MARCHF1: variants seen among roughly 807,000 people sequenced by gnomAD.
The protein encoded by MARCHF1 is E3 ubiquitin-protein ligase MARCHF1.
MARCHF1 carries 40 observed loss-of-function variants against 54.2 expected under a neutral mutation model. The ratio of observed to expected loss-of-function variants is 0.74; its 90% CI spans 0.57 to 0.96. The LOEUF (loss-of-function observed/expected upper bound fraction) is 0.96, where lower values mean the gene tolerates loss of function less well. Among genes scored for constraint, MARCHF1 ranks in the 40% least tolerant of loss-of-function variants. MARCHF1 has a pLI of 0.00. For synonymous variants in MARCHF1, 236 were observed against 236.3 expected (o/e 1.00, Z 0.01); for missense variants, 586 against 656.5 (o/e 0.89, Z 1.17).
chr4:163,974,973 C>A (rs1304815469), intron 3 of MARCHF1, among the ~76,000 whole-genome samples: 1 of 152,120 alleles, frequency 6.6e-6, no homozygotes, highest in East Asian at 1.9e-4. Context: ...ATTCCTCCTG[C>A]CTGACTACTT....
At chr4:163,804,600 T>C (rs1748174698) in intron 4 of MARCHF1, among the ~76,000 whole-genome samples, 1 of 152,148 alleles carries the variant, frequency 6.6e-6, no homozygotes, top group South Asian at 2.1e-4. Context: ...TAAATCAATG[T>C]TTGTCACCTC....
chr4:163,898,771 T>C (rs1229458490), intron 3 of MARCHF1, among the ~76,000 whole-genome samples: 2 of 152,098 alleles, frequency 1.3e-5, no homozygotes, highest in African/African-American at 2.4e-5. Flanking sequence ...AATACCAAAG[T>C]CATGGAACTA....
At chr4:164,113,976 T>G (rs1755888167) in intron 1 of MARCHF1, among the ~76,000 whole-genome samples, 1 of 151,832 alleles carries the variant, frequency 6.6e-6, no homozygotes, top group African/African-American at 2.4e-5. Context: ...AAACTTCCAG[T>G]AGAGGGGATA....
At chr4:163,740,020 C>T (rs1222574484) in intron 4 of MARCHF1, among the ~76,000 whole-genome samples, 1 of 152,064 alleles carries the variant, frequency 6.6e-6, no homozygotes, top group African/African-American at 2.4e-5. Flanking sequence ...CATTTACTTA[C>T]CAATATGTAA....
intron 1 of MARCHF1, among the ~76,000 whole-genome samples, chr4:164,196,548 T>C (rs907904095): frequency 6.6e-6 from 1 of 152,216 alleles, no homozygotes; most frequent in African/African-American, 2.4e-5. Flanking sequence ...AACATTTTCA[T>C]TGTAAATATT....
At chr4:164,238,129 A>G (rs999738890) in intron 1 of MARCHF1, among the ~76,000 whole-genome samples, 1 of 152,076 alleles carries the variant, frequency 6.6e-6, no homozygotes. Context: ...TAAATTATGT[A>G]AACACTGGTA....
In MARCHF1 at chr4:164,174,962, T is replaced by A. The variant is rs1247132354; in HGVS notation, c.-322-63300A>T. Among the ~76,000 whole-genome samples, 3 of 152,184 alleles carry A rather than the reference T, an allele frequency of 2.0e-5. No individual in the cohort carries two copies. In the East Asian group the frequency reaches 5.8e-4, roughly 29 times the overall value. ...AGATATCTTGGGTTCATCCAGATGG[T>A]GTATGTAAGGACAAAAACTGTAAAG... On this transcript the variant is annotated intron_variant, in intron 1 of 9. Coordinates refer to ENST00000514618, the MANE Select transcript of MARCHF1 (RefSeq NM_001394959.1).
chr4:163,524,997 T>C lies in MARCHF1; in HGVS notation c.*3751A>G, dbSNP rs1738047220. On this transcript the variant is annotated 3_prime_UTR_variant, in exon 10 of 10. Coordinates refer to ENST00000514618, the MANE Select transcript of MARCHF1 (RefSeq NM_001394959.1). ...AAATAACAGTACTTCCTTTCAACTG[T>C]GTTGATATGTAAAATAGCACCATTG... 1 of 152,166 alleles carries C rather than the reference T, an allele frequency of 6.6e-6. No individual in the cohort carries two copies. The highest frequency in any genetic ancestry group is 2.4e-5 in the African/African-American group (1 of 41,434). The allele number at this position is 152,166 out of a possible 1,614,324, so 9.4% of individuals were successfully genotyped here. A position where few individuals can be genotyped will look rare whatever the true frequency, so the allele number is the denominator to read the frequency against.
intron 1 of MARCHF1, among the ~76,000 whole-genome samples, chr4:164,307,084 G>C (rs1305138792): frequency 6.6e-6 from 1 of 151,954 alleles, no homozygotes; most frequent in South Asian, 2.1e-4. Flanking sequence ...TTGAACAAAA[G>C]ATCTAAGATT....
chr4:163,891,624 A>G (rs1300965758), intron 3 of MARCHF1, among the ~76,000 whole-genome samples: 2 of 152,240 alleles, frequency 1.3e-5, no homozygotes, highest in Admixed American at 6.5e-5. Context: ...ATGCATTCCC[A>G]TCATAGACTT....
In MARCHF1 at chr4:163,949,085, G is replaced by A. The variant is rs2110775273; in HGVS notation, c.-39+39416C>T. On this transcript the variant is annotated intron_variant, in intron 3 of 9. Coordinates refer to ENST00000514618, the MANE Select transcript of MARCHF1 (RefSeq NM_001394959.1). ...CTCATTCTGCCCACTTGGCCTGGCA[G>A]TCTGCACTCAACTCTCACTACCGGC... Among the ~76,000 whole-genome samples, 2 of 152,328 alleles carry A rather than the reference G, an allele frequency of 1.3e-5. 1 individual carries two copies. The highest frequency in any genetic ancestry group is 4.1e-4 in the South Asian group (2 of 4,830).
At chr4:164,326,889 C>T (rs1228695774) in intron 1 of MARCHF1, among the ~76,000 whole-genome samples, 6 of 149,724 alleles carry the variant, frequency 4.0e-5, no homozygotes, top group Non-Finnish European at 7.4e-5. Flanking sequence ...CTTCATTATG[C>T]CTCACTTTTC....
intron 2 of MARCHF1, chr4:164,055,319 C>G (rs1579496284): frequency 1.3e-5 from 2 of 152,076 alleles, no homozygotes; most frequent in East Asian, 3.9e-4. Flanking sequence ...TGGCACACGT[C>G]TATGATCCCA....
At chr4:163,594,779 C>T (rs1740708049) in intron 7 of MARCHF1, among the ~76,000 whole-genome samples, 1 of 151,814 alleles carries the variant, frequency 6.6e-6, no homozygotes, top group Non-Finnish European at 1.5e-5. Flanking sequence ...CACACACACA[C>T]ACACACACCC....
chr4:163,967,890 G>C (rs1426944900), intron 3 of MARCHF1, among the ~76,000 whole-genome samples: 2 of 152,066 alleles, frequency 1.3e-5, no homozygotes, highest in Non-Finnish European at 2.9e-5. Context: ...TCTTTTTGCT[G>C]TATTTAGACC....
intron 4 of MARCHF1, among the ~76,000 whole-genome samples, chr4:163,791,553 A>T (rs1747774271): frequency 6.6e-6 from 1 of 152,162 alleles, no homozygotes. Flanking sequence ...CTTCTGATTG[A>T]CAAGCGTGGA....
intron 1 of MARCHF1, among the ~76,000 whole-genome samples, chr4:164,275,501 A>G (rs1038526176): frequency 1.3e-5 from 2 of 152,234 alleles, no homozygotes; most frequent in African/African-American, 4.8e-5. Context: ...TTACTAATTA[A>G]TGATGATTGT....
chr4:163,776,412 T>C (rs1221843164), intron 4 of MARCHF1, among the ~76,000 whole-genome samples: 1 of 151,492 alleles, frequency 6.6e-6, no homozygotes, highest in African/African-American at 2.4e-5. Context: ...ATCATTTAAT[T>C]TGTTGTTGTT....
At position 163,946,203 on chromosome 4, in the gene MARCHF1, G is replaced by A. The variant is rs998690897; in HGVS notation, c.-39+42298C>T. ...AAAATCTCCACCATTTCCTCTCAACGTCGCAAATATATTTTCTACTATGTG... is the reference window on the plus strand; with the variant it reads ...AAAATCTCCACCATTTCCTCTCAACATCGCAAATATATTTTCTACTATGTG... On this transcript the variant is annotated intron_variant, in intron 3 of 9. Transcript: ENST00000514618. Among the ~76,000 whole-genome samples, 17 of 152,018 alleles carry A rather than the reference G, an allele frequency of 1.1e-4. No homozygotes were observed. In the East Asian group the frequency reaches 1.9e-3, roughly 17 times the overall value.
Sources: allele counts gnomAD v4.1 joint callset (sites outside exome capture counted in the v4.1 genomes callset), GRCh38; gene constraint gnomAD v4.1.1; transcripts MANE v1.5; gene names NCBI Gene and HGNC (gene_info 2026-07-23, HGNC 2026-07-21).